Variants in ZNF423 observed in about 807,000 individuals in gnomAD.
ZNF423 encodes zinc finger protein 423.
ZNF423 carries 12 observed loss-of-function variants against 95.8 expected under a neutral mutation model. The observed-to-expected ratio is 0.13, with a 90% CI of 0.08 to 0.20. ZNF423 has a LOEUF of 0.20. ZNF423 is among the 10% of genes least tolerant of loss of function. ZNF423 has a pLI of 1.00. For missense variants in ZNF423, 1,316 were observed against 1,737.1 expected, an observed-to-expected ratio of 0.76 and a Z score of 4.31; for synonymous variants, 749 against 711.9, an observed-to-expected ratio of 1.05 and a Z score of -0.83.
At chr16:49,634,282 A>G (rs947009809) in intron 4 of ZNF423, among the ~76,000 whole-genome samples, 1 of 151,040 alleles carries the variant, frequency 6.6e-6, no homozygotes, top group Non-Finnish European at 1.5e-5. Context: ...GATCATAGCT[A>G]ACTGCAGCCT....
At chr16:49,783,563 G>A (rs1240815422) in intron 2 of ZNF423, among the ~76,000 whole-genome samples, 1 of 142,542 alleles carries the variant, frequency 7.0e-6, no homozygotes, top group African/African-American at 2.6e-5. Flanking sequence ...AGGCTGAAAT[G>A]GGTGGGAAAG....
rs2030320201 is a variant in ZNF423 at position 49,662,918 on chromosome 16, C to T, written c.302-24044G>A. Reference sequence around the variant, plus strand: ...TGCCCTGCCTTCTAAGATCACAGGCCAAGCTGTCATCCAAAACCCCACAGG... The same window carrying T: ...TGCCCTGCCTTCTAAGATCACAGGCTAAGCTGTCATCCAAAACCCCACAGG... On this transcript the variant is annotated intron_variant, in intron 3 of 7. Transcript: ENST00000563137. Among the ~76,000 whole-genome samples, 3 of 152,216 alleles carry T rather than the reference C, an allele frequency of 2.0e-5. No individual in the cohort carries two copies. In the South Asian group the frequency reaches 6.2e-4, roughly 32 times the overall value.
intron 4 of ZNF423, among the ~76,000 whole-genome samples, chr16:49,632,804 G>A (rs1158837270): frequency 2.6e-5 from 4 of 152,180 alleles, no homozygotes; most frequent in East Asian, 3.8e-4. Flanking sequence ...GCTTGATGCC[G>A]GATGCAGAGC....
At chr16:49,668,662 A>T (rs1391576788) in intron 3 of ZNF423, among the ~76,000 whole-genome samples, 1 of 152,168 alleles carries the variant, frequency 6.6e-6, no homozygotes, top group African/African-American at 2.4e-5. Flanking sequence ...CAGCCTCAGT[A>T]CAGGGAGTAG....
intron 5 of ZNF423, among the ~76,000 whole-genome samples, chr16:49,563,598 T>C (rs1210954533): frequency 6.6e-6 from 1 of 152,224 alleles, no homozygotes; most frequent in African/African-American, 2.4e-5. Context: ...TCCAAAGTCA[T>C]AGAGCCAGGA....
At chr16:49,772,551 C>T (rs557946784) in intron 2 of ZNF423, among the ~76,000 whole-genome samples, 6 of 152,302 alleles carry the variant, frequency 3.9e-5, no homozygotes, top group East Asian at 1.9e-4. Context: ...GTCCCAGCTT[C>T]GGGGGCAAGG....
chr16:49,795,372 T>C (rs2034481316), intron 1 of ZNF423, among the ~76,000 whole-genome samples: 1 of 152,078 alleles, frequency 6.6e-6, no homozygotes, highest in Non-Finnish European at 1.5e-5. Flanking sequence ...CCAATCCAGC[T>C]CCCTCATGGC....
rs1966911982 is a variant in ZNF423 at position 49,490,392 on chromosome 16, C to A, written c.*883G>T. 6.6e-6 allele frequency: 1 copy of A among 152,294 alleles called. No individual in the cohort carries two copies. Among genetic ancestry groups the A allele is most frequent in the Admixed American group, 6.5e-5 (1 of 15,282 alleles). 9.4% of individuals were successfully genotyped at this position (152,294 alleles called of 1,614,324 possible). A position where few individuals can be genotyped will look rare whatever the true frequency, so the allele number is the denominator to read the frequency against. On this transcript the variant is annotated 3_prime_UTR_variant, in exon 8 of 8. Transcript: ENST00000563137. ...TCAGGGTATTCCATCATTAAGGGGT[C>A]TTCTGCTTTGACTCCTGTGGCCACT...
chr16:49,782,898 A>G (rs1446974655), intron 2 of ZNF423, among the ~76,000 whole-genome samples: 1 of 149,966 alleles, frequency 6.7e-6, no homozygotes, highest in Admixed American at 6.7e-5. Flanking sequence ...CTGAGACAGG[A>G]GGATTGTTTG....
intron 5 of ZNF423, among the ~76,000 whole-genome samples, chr16:49,537,307 G>A (rs1318475226): frequency 2.0e-5 from 3 of 152,208 alleles, no homozygotes; most frequent in Non-Finnish European, 2.9e-5. Flanking sequence ...CTACTGAGTT[G>A]CCTTTTAAGC....
At chr16:49,651,396 G>A (rs1245583223) in intron 3 of ZNF423, among the ~76,000 whole-genome samples, 1 of 152,134 alleles carries the variant, frequency 6.6e-6, no homozygotes, top group Non-Finnish European at 1.5e-5. Flanking sequence ...GTGGAAGATG[G>A]AGCTCAGCTG....
At chr16:49,710,827 C>G (rs2032520399) in intron 3 of ZNF423, among the ~76,000 whole-genome samples, 4 of 152,154 alleles carry the variant, frequency 2.6e-5, no homozygotes, top group African/African-American at 9.7e-5. Context: ...CTGAGAGGAC[C>G]CAGAATGAGT....
chr16:49,540,654 A>C (rs1969219136), intron 5 of ZNF423, among the ~76,000 whole-genome samples: 1 of 152,214 alleles, frequency 6.6e-6, no homozygotes, highest in South Asian at 2.1e-4. Context: ...CTCATGCTTT[A>C]ATCACACCCT....
At chr16:49,834,386 T>C (rs150456331) in intron 1 of ZNF423, among the ~76,000 whole-genome samples, 1 of 152,216 alleles carries the variant, frequency 6.6e-6, no homozygotes, top group Non-Finnish European at 1.5e-5. Flanking sequence ...TCCAAGTCCC[T>C]CAATGCACAG....
chr16:49,698,635 C>CGGCCTGGCAAGCGGTG (rs2032061691), intron 3 of ZNF423, among the ~76,000 whole-genome samples: 1 of 152,198 alleles, frequency 6.6e-6, no homozygotes, highest in African/African-American at 2.4e-5. Context: ...GCACAGACCT[C>CGGCCTGGCAAGCGGTG]GGCCTGGCAA....
intron 5 of ZNF423, among the ~76,000 whole-genome samples, chr16:49,563,761 T>C (rs1285583123): frequency 6.6e-6 from 1 of 152,176 alleles, no homozygotes; most frequent in Non-Finnish European, 1.5e-5. Flanking sequence ...CCCCTCCCCA[T>C]GGCCTGCTAC....
At chr16:49,762,522 G>A (rs758561151) in intron 2 of ZNF423, among the ~76,000 whole-genome samples, 1 of 152,200 alleles carries the variant, frequency 6.6e-6, no homozygotes, top group African/African-American at 2.4e-5. Flanking sequence ...GAGGACTAAT[G>A]TTCATGAGGT....
At chr16:49,736,862 A>C (rs2033298347) in intron 2 of ZNF423, among the ~76,000 whole-genome samples, 1 of 152,200 alleles carries the variant, frequency 6.6e-6, no homozygotes, top group African/African-American at 2.4e-5. Flanking sequence ...GCTTGCATTC[A>C]AGATGATGAC....
At chr16:49,557,586 C>G (rs1969872552) in intron 5 of ZNF423, among the ~76,000 whole-genome samples, 1 of 152,174 alleles carries the variant, frequency 6.6e-6, no homozygotes, top group African/African-American at 2.4e-5. Context: ...CTGATATTGG[C>G]CCAGGTGAGA....
Sources: allele counts gnomAD v4.1 joint callset (sites outside exome capture counted in the v4.1 genomes callset), GRCh38; gene constraint gnomAD v4.1.1; transcripts MANE v1.5; gene names NCBI Gene and HGNC (gene_info 2026-07-23, HGNC 2026-07-21).